LGR4: variants seen among roughly 807,000 people sequenced by gnomAD.
LGR4 encodes the protein leucine-rich repeat-containing G protein-coupled receptor 4.
LGR4 carries 44 observed loss-of-function variants against 84.8 expected under a neutral mutation model. The observed-to-expected ratio is 0.52, with a 90% CI of 0.41 to 0.67. LGR4 has a LOEUF of 0.67. LGR4 is among the 30% of genes least tolerant of loss of function. The probability of loss-of-function intolerance (pLI) is 0.00; values close to 1 mark genes in which losing one functional copy is unlikely to be tolerated. For synonymous variants in LGR4, 429 were observed against 434.3 expected (o/e 0.99, Z 0.15); for missense variants, 1,032 against 1,131.4 (o/e 0.91, Z 1.26).
chr11:27,380,159 A>G (rs1264836838), intron 10 of LGR4, 112 bp downstream of exon 10: 3 of 631,888 alleles, frequency 4.7e-6, no homozygotes, highest in Non-Finnish European at 8.3e-6. Context: ...ATACAAAGGG[A>G]AACCGGAGGA....
Position 27,369,638 on chromosome 11 carries a change from T to C in LGR4, c.1580-495A>G, listed in dbSNP as rs1216631575. Reference sequence around the variant, plus strand: ...CAGTTGTGCAGCTTAAGTAAAATTATACACATAAGGAACTAAGCAGGATGC... The same window carrying C: ...CAGTTGTGCAGCTTAAGTAAAATTACACACATAAGGAACTAAGCAGGATGC... On this transcript the variant is annotated intron_variant, in intron 17 of 17. Coordinates refer to ENST00000379214, the MANE Select transcript of LGR4 (RefSeq NM_018490.5). Among the ~76,000 whole-genome samples the C allele has an allele frequency of 2.0e-5, 3 of 152,232 alleles. No homozygotes were observed. In the East Asian group the frequency reaches 5.8e-4, roughly 29 times the overall value.
chr11:27,412,690 A>C, intron 2 of LGR4, 99 bp downstream of exon 2: 1 of 790,968 alleles, frequency 1.3e-6, no homozygotes. Context: ...AAGCTATCAG[A>C]ATGTCTAACA....
At chr11:27,386,080 G>C (rs1034639767) in intron 4 of LGR4, among the ~76,000 whole-genome samples, 6 of 152,108 alleles carry the variant, frequency 3.9e-5, no homozygotes, top group African/African-American at 1.4e-4. Flanking sequence ...AAGTGCTTTT[G>C]AAAAATCAGT....
chr11:27,441,185 A>T (rs747272300), intron 1 of LGR4, among the ~76,000 whole-genome samples: 3 of 152,226 alleles, frequency 2.0e-5, no homozygotes, highest in Non-Finnish European at 2.9e-5. Flanking sequence ...GTAGCCAAGT[A>T]TCCTCAATGC....
rs1862990931 is a variant in LGR4, at chr11:27,376,723, AC to A, written c.1110-354del. On this transcript the variant is annotated intron_variant, in intron 12 of 17. Coordinates refer to ENST00000379214, the MANE Select transcript of LGR4 (RefSeq NM_018490.5). ...TGCAGGGAGAAAAGGAACCAAGACA[AC>A]ACAACTATGACAAATACCGTAGGAA... 2.0e-5 allele frequency among the ~76,000 whole-genome samples: 3 copies of A among 152,304 alleles called. No homozygotes were observed. In the South Asian group the frequency reaches 6.2e-4, roughly 32 times the overall value.
intron 1 of LGR4, among the ~76,000 whole-genome samples, chr11:27,424,913 A>G (rs1350482846): frequency 1.3e-5 from 2 of 152,038 alleles, no homozygotes; most frequent in African/African-American, 4.8e-5. Flanking sequence ...ACACCTGGCT[A>G]ATCTTTGTAT....
chr11:27,421,411 A>G (rs533813084), intron 1 of LGR4, among the ~76,000 whole-genome samples: 8 of 152,196 alleles, frequency 5.3e-5, no homozygotes, highest in Non-Finnish European at 8.8e-5. Context: ...ACAAGAGTTC[A>G]GCAATTAAGA....
chr11:27,430,817 T>A (rs1162876210), intron 1 of LGR4, among the ~76,000 whole-genome samples: 1 of 152,096 alleles, frequency 6.6e-6, no homozygotes, highest in Non-Finnish European at 1.5e-5. Context: ...AGCAGTCTCT[T>A]TGTTCTATAT....
chr11:27,388,115 A>G (rs539872814), intron 4 of LGR4, among the ~76,000 whole-genome samples: 3 of 152,344 alleles, frequency 2.0e-5, no homozygotes, highest in East Asian at 3.9e-4. Context: ...GAAGTCACAT[A>G]TAAGTAGGGA....
In LGR4 at chr11:27,376,376, T is replaced by C. The variant is rs1554965173; in HGVS notation, c.1110-6A>G. ...TTTGATTACGCTGTAAAGAACTAAA[T>C]AAAAAAAGAAGAAGAAAGAAGACGA... is the stretch of plus-strand genomic sequence containing the variant. On this transcript the variant is annotated splice_polypyrimidine_tract_variant and splice_region_variant and intron_variant, in intron 12 of 17. Coordinates refer to ENST00000379214, the MANE Select transcript of LGR4 (RefSeq NM_018490.5). 25 of 1,440,816 alleles carry C rather than the reference T, an allele frequency of 1.7e-5. No homozygotes were observed. The South Asian group carries it at 3.1e-4, about 18-fold the overall frequency. The allele number at this position is 1,440,816 out of a possible 1,614,324, so 89.3% of individuals were successfully genotyped here. A position where few individuals can be genotyped will look rare whatever the true frequency, so the allele number is the denominator to read the frequency against.
chr11:27,427,107 G>A lies in LGR4; in HGVS notation c.186-14247C>T, dbSNP rs558516769. ...CTTATTAATAATAGTGGTGCTTGGA[G>A]AAGTTTAATAAATTTAAAATGAGGC... On this transcript the variant is annotated intron_variant, in intron 1 of 17. Transcript: ENST00000379214. 2.0e-5 allele frequency among the ~76,000 whole-genome samples: 3 copies of A among 152,316 alleles called. No homozygotes were observed. The East Asian group carries it at 5.8e-4, about 29-fold the overall frequency.
At chr11:27,449,733 A>C (rs1864451575) in intron 1 of LGR4, among the ~76,000 whole-genome samples, 2 of 152,244 alleles carry the variant, frequency 1.3e-5, no homozygotes, top group African/African-American at 2.4e-5. Flanking sequence ...TGTAGGAGAT[A>C]CCACTTCCAG....
intron 1 of LGR4, among the ~76,000 whole-genome samples, chr11:27,416,469 T>C (rs903644241): frequency 2.6e-5 from 4 of 152,210 alleles, no homozygotes; most frequent in African/African-American, 9.6e-5. Flanking sequence ...TCATCATCCA[T>C]GTTTTCGCTG....
At chr11:27,378,949 C>T (rs576051530) in intron 10 of LGR4, 181 bp from the exon 11 acceptor site, 1 of 577,644 alleles carries the variant, frequency 1.7e-6, no homozygotes, top group East Asian at 2.9e-5. Flanking sequence ...ATTCTGATAT[C>T]ATCTTCACAG....
At chr11:27,377,652 T>C (rs975075690) in intron 11 of LGR4, among the ~76,000 whole-genome samples, 2 of 152,146 alleles carry the variant, frequency 1.3e-5, no homozygotes, top group African/African-American at 4.8e-5. Flanking sequence ...ATAACTTATA[T>C]GTTCTTTTGT....
rs73446102 is a variant in LGR4 at position 27,433,946 on chromosome 11, A to G, written c.186-21086T>C. 9.9e-3 allele frequency among the ~76,000 whole-genome samples: 1,501 copies of G among 152,192 alleles called. 18 individuals are homozygous for G. The highest frequency in any genetic ancestry group is 0.034 in the African/African-American group (1,404 of 41,522). On this transcript the variant is annotated intron_variant, in intron 1 of 17. Coordinates refer to ENST00000379214, the MANE Select transcript of LGR4 (RefSeq NM_018490.5). ...CGGCATGGCATGCAAAGCCTTCCCA[A>G]CTCTAAAATTAAATGATGTCTGTTT... is the stretch of plus-strand genomic sequence containing the variant.
At chr11:27,409,868 C>T (rs1863677836) in intron 2 of LGR4, among the ~76,000 whole-genome samples, 1 of 152,124 alleles carries the variant, frequency 6.6e-6, no homozygotes, top group African/African-American at 2.4e-5. Context: ...CCAAATCCTA[C>T]AGTCTTAAGA....
intron 6 of LGR4, 146 bp downstream of exon 6, chr11:27,384,190 T>C (rs1290438048): frequency 1.7e-5 from 10 of 602,942 alleles, no homozygotes; most frequent in Non-Finnish European, 2.3e-5. Context: ...AATTAGGTTA[T>C]TTGATAGCAA....
At chr11:27,435,012 C>T (rs967427231) in intron 1 of LGR4, among the ~76,000 whole-genome samples, 4 of 152,158 alleles carry the variant, frequency 2.6e-5, no homozygotes, top group African/African-American at 7.2e-5. Context: ...CACAACACTA[C>T]ACCAGATGAC....
Sources: allele counts gnomAD v4.1 joint callset (sites outside exome capture counted in the v4.1 genomes callset), GRCh38; gene constraint gnomAD v4.1.1; transcripts MANE v1.5; gene names NCBI Gene and HGNC (gene_info 2026-07-23, HGNC 2026-07-21).